EPHA2: variants seen among roughly 807,000 people sequenced by gnomAD.
EPHA2 encodes EPH receptor A2.
A neutral mutation model predicts 104.9 loss-of-function variants in EPHA2; 54 were observed. The ratio of observed to expected loss-of-function variants is 0.51; its 90% CI spans 0.41 to 0.65. The LOEUF (loss-of-function observed/expected upper bound fraction) is 0.65. EPHA2 is among the 30% of genes least tolerant of loss of function. The pLI, the probability that EPHA2 is intolerant of heterozygous loss-of-function variation, is 0.00. For missense variants in EPHA2, 1,117 were observed against 1,369.5 expected (o/e 0.82, Z 2.91); for synonymous variants, 560 against 559.1 (o/e 1.00, Z -0.02).
At chr1:16,127,827 C>T (rs115461773) in intron 16 of EPHA2, among the ~76,000 whole-genome samples, 35 of 152,352 alleles carry the variant, frequency 2.3e-4, no homozygotes, top group African/African-American at 8.2e-4. Flanking sequence ...AGCGCACACA[C>T]ACACAGCCTC....
At chr1:16,129,719 G>T in intron 15 of EPHA2, 130 bp from the exon 16 acceptor site, 2 of 1,254,674 alleles carry the variant, frequency 1.6e-6, no homozygotes, top group South Asian at 3.0e-5. Flanking sequence ...TGGGCAACAG[G>T]GAAGCCCAGT....
rs374518443 is a variant in EPHA2 at position 16,133,308 on chromosome 1, G to A, written c.1925C>T (p.Pro642Leu). ...GGCTTTCAGCGTCTTGATGGCCACCGGCACCTCCTTCTTCCCCGAGGATGT... is the reference window on the plus strand; with the variant it reads ...GGCTTTCAGCGTCTTGATGGCCACCAGCACCTCCTTCTTCCCCGAGGATGT... ...LKTSSGKKEV[P>L]VAIKTLKAGY... Residue 642 changes from proline to leucine, a missense_variant, in exon 11 of 17, where the codon CCG (proline) becomes CTG (leucine). Transcript: ENST00000358432. 6 of 1,613,674 alleles carry A rather than the reference G, an allele frequency of 3.7e-6. No homozygotes were observed. The highest frequency in any genetic ancestry group is 1.6e-4 in the Middle Eastern group (1 of 6,082).
chr1:16,150,329 C>T lies in EPHA2; in HGVS notation c.153+567G>A, dbSNP rs111472798. On this transcript the variant is annotated intron_variant, in intron 2 of 16. Transcript: ENST00000358432. This position sits in a 1 kb window ranked among gnomAD's most constrained non-coding sequence, Gnocchi z 4.8. Reference sequence around the variant, plus strand: ...ACACACACAGCCAGGGGAAGAACCCCCAGCCCCTGCCCCCATTCCTGGTCA... The same window carrying T: ...ACACACACAGCCAGGGGAAGAACCCTCAGCCCCTGCCCCCATTCCTGGTCA... 0.025 allele frequency among the ~76,000 whole-genome samples: 3,789 copies of T among 152,278 alleles called. 177 individuals carry two copies. The highest frequency in any genetic ancestry group is 0.087 in the African/African-American group (3,603 of 41,542).
rs765370168 is a variant in EPHA2 at position 16,130,435 on chromosome 1, G to T, written c.2476-16C>A. On this transcript the variant is annotated splice_polypyrimidine_tract_variant and intron_variant, in intron 14 of 16. Coordinates refer to ENST00000358432, the MANE Select transcript of EPHA2 (RefSeq NM_004431.5). This position sits in a 1 kb window ranked among gnomAD's most constrained non-coding sequence, Gnocchi z 4.5. ...CTTTCATCACCTGGCGGGGCACGAA[G>T]GTCAGGGGCGCTGTTGCAGAAAGCC... The T allele has an allele frequency of 1.3e-6, 2 of 1,535,972 alleles. No homozygotes were observed. The highest frequency in any genetic ancestry group is 1.3e-5 in the South Asian group (1 of 78,070).
chr1:16,150,983 G>T lies in EPHA2; in HGVS notation c.86-20C>A. ...GTACCACTGAAAGGGAGAAGGGAGA[G>T]GGGGTGAGCCTGGGGGTGTCTTCAG... is the stretch of plus-strand genomic sequence containing the variant. On this transcript the variant is annotated intron_variant, in intron 1 of 16. Transcript: ENST00000358432. This position sits in a 1 kb window ranked among gnomAD's most constrained non-coding sequence, Gnocchi z 4.8. The T allele has an allele frequency of 1.9e-6, 3 of 1,613,754 alleles. No individual in the cohort carries two copies. The highest frequency in any genetic ancestry group is 2.5e-6 in the Non-Finnish European group (3 of 1,179,850).
chr1:16,153,218 C>A (rs2025077450), intron 1 of EPHA2: 3 of 985,428 alleles, frequency 3.0e-6, no homozygotes, highest in South Asian at 9.4e-5. Context: ...TCCACAGCTT[C>A]TTCCACAAAT....
intron 1 of EPHA2, chr1:16,153,133 A>G (rs1344553457): frequency 1.9e-5 from 18 of 970,976 alleles, no homozygotes; most frequent in Non-Finnish European, 2.1e-5. Flanking sequence ...CTGGGGGGAA[A>G]AAAAAAAAGC....
chr1:16,138,524 C>T (rs2024764100), intron 3 of EPHA2, 94 bp from the exon 4 acceptor site: 1 of 1,574,930 alleles, frequency 6.3e-7, no homozygotes, highest in Admixed American at 1.7e-5. Flanking sequence ...GGACCCCTGC[C>T]CTGCAAGCAG....
At chr1:16,136,713 A>AAG (rs1553135584) in intron 5 of EPHA2, among the ~76,000 whole-genome samples, 2 of 102,734 alleles carry the variant, frequency 1.9e-5, no homozygotes, top group Non-Finnish European at 3.5e-5. Context: ...AAGAAGAAGA[A>AAG]AAGAAGAAGA....
chr1:16,154,691 G>A (rs1248472937), intron 1 of EPHA2, among the ~76,000 whole-genome samples: 7 of 149,020 alleles, frequency 4.7e-5, no homozygotes, highest in African/African-American at 9.9e-5. Context: ...GGGAGGCAGA[G>A]GTTGCAGTGA....
chr1:16,125,379 C>CGGGGGGG lies in EPHA2; in HGVS notation c.2826-60_2826-59insCCCCCCC. On this transcript the variant is annotated intron_variant, in intron 16 of 16. Transcript: ENST00000358432. The surrounding 1 kb of genome is among the most constrained non-coding windows in gnomAD (Gnocchi z 4.9). Reference sequence around the variant, plus strand: ...GGCTGGAGCAGGGGAGGGGGCCGGGCTGGGTGGGGACAGGACTCGGTGGGC... The same window carrying CGGGGGGG: ...GGCTGGAGCAGGGGAGGGGGCCGGGCGGGGGGGTGGGTGGGGACAGGACTCGGTGGGC... 1 of 95,030 alleles carries CGGGGGGG rather than the reference C, an allele frequency of 1.1e-5. No homozygotes were observed. Among genetic ancestry groups the CGGGGGGG allele is most frequent in the Admixed American group, 1.6e-4 (1 of 6,276 alleles). 5.9% of individuals were successfully genotyped at this position (95,030 alleles called of 1,614,324 possible).
Position 16,144,244 on chromosome 1 carries a change from G to A in EPHA2, c.823+4134C>T, listed in dbSNP as rs932626249. Among the ~76,000 whole-genome samples the A allele has an allele frequency of 7.9e-5, 12 of 152,290 alleles. 1 individual carries two copies. Among genetic ancestry groups the A allele is most frequent in the African/African-American group, 2.9e-4 (12 of 41,562 alleles). ...AGGGTGGGGCAGACAGGGCACAGAGGTGAGAGCCACCATGGGGGGCTGGGG... is the reference window on the plus strand; with the variant it reads ...AGGGTGGGGCAGACAGGGCACAGAGATGAGAGCCACCATGGGGGGCTGGGG... On this transcript the variant is annotated intron_variant, in intron 3 of 16. Coordinates refer to ENST00000358432, the MANE Select transcript of EPHA2 (RefSeq NM_004431.5).
In EPHA2 at chr1:16,138,133, C is replaced by T; in HGVS notation, c.1032G>A (p.Val344=). The T allele has an allele frequency of 2.5e-6, 4 of 1,609,160 alleles. No individual in the cohort carries two copies. The highest frequency in any genetic ancestry group is 3.4e-6 in the Non-Finnish European group (4 of 1,179,870). Residue 344 remains valine (V), a synonymous_variant, in exon 5 of 17, where the codon GTG becomes GTA. Coordinates refer to ENST00000358432, the MANE Select transcript of EPHA2 (RefSeq NM_004431.5). The part of the protein sequence containing the change: ...YLTAVGMGAK[V]ELRWTPPQDS... ...CCTGAGGGGGCGTCCAGCGCAGCTCCACCTTGGCACCCATGCCCACGGCTG... is the reference window on the plus strand; with the variant it reads ...CCTGAGGGGGCGTCCAGCGCAGCTCTACCTTGGCACCCATGCCCACGGCTG...
chr1:16,155,994 G>A lies in EPHA2; in HGVS notation c.-62C>T. On this transcript the variant is annotated 5_prime_UTR_variant, in exon 1 of 17. Transcript: ENST00000358432. ...CCGGCTCCCGCACACCCGCACGCCT[G>A]CACGCCGGCCTCGGTGTCCGCTCCC... 1 of 1,365,994 alleles carries A rather than the reference G, an allele frequency of 7.3e-7. No individual in the cohort carries two copies. The highest frequency in any genetic ancestry group is 3.3e-5 in the Admixed American group (1 of 30,714). The allele number at this position is 1,365,994 out of a possible 1,614,324, so 84.6% of individuals were successfully genotyped here. A position where few individuals can be genotyped will look rare whatever the true frequency, so the allele number is the denominator to read the frequency against.
At position 16,129,415 on chromosome 1, in the gene EPHA2, G is replaced by T; in HGVS notation, c.2825+19C>A. 1 of 1,610,916 alleles carries T rather than the reference G, an allele frequency of 6.2e-7. No individual in the cohort carries two copies. Among genetic ancestry groups the T allele is most frequent in the Non-Finnish European group, 8.5e-7 (1 of 1,179,924 alleles). ...TGGGAGGCGGGAGGCGAGGGGGGAC[G>T]GAAAGGGGCCTGACTTACTCGTTGG... On this transcript the variant is annotated intron_variant, in intron 16 of 16. Transcript: ENST00000358432.
Position 16,133,441 on chromosome 1 carries a change from G to A in EPHA2, c.1864+40C>T, listed in dbSNP as rs750012084. On this transcript the variant is annotated intron_variant, in intron 10 of 16. Transcript: ENST00000358432. ...AGGGCTCCCACACTGTGTCACCACC[G>A]CTGCCTCCTCAGGGCCCCTTGGCAG... is the stretch of plus-strand genomic sequence containing the variant. 2.0e-5 allele frequency: 33 copies of A among 1,613,852 alleles called. 1 individual carries two copies. Among genetic ancestry groups the A allele is most frequent in the South Asian group, 1.4e-4 (13 of 91,082 alleles).
chr1:16,137,262 A>G (rs1001640874), intron 5 of EPHA2, among the ~76,000 whole-genome samples: 1 of 151,750 alleles, frequency 6.6e-6, no homozygotes, highest in African/African-American at 2.4e-5. Context: ...TGGGCCACAA[A>G]TAAAATACAG....
At position 16,125,388 on chromosome 1, in the gene EPHA2, GACAGGACTCGGTGGGCGGCT is replaced by G; in HGVS notation, c.2826-88_2826-69del. On this transcript the variant is annotated intron_variant, in intron 16 of 16. Coordinates refer to ENST00000358432, the MANE Select transcript of EPHA2 (RefSeq NM_004431.5). This position sits in a 1 kb window ranked among gnomAD's most constrained non-coding sequence, Gnocchi z 4.9. ...AGGGGAGGGGGCCGGGCTGGGTGGG[GACAGGACTCGGTGGGCGGCT>G]GGGGAGGGGAGTGGAGGGAGGCAGA... 1 of 376,140 alleles carries G rather than the reference GACAGGACTCGGTGGGCGGCT, an allele frequency of 2.7e-6. No homozygotes were observed. The allele number at this position is 376,140 out of a possible 1,614,324, so 23.3% of individuals were successfully genotyped here. A position where few individuals can be genotyped will look rare whatever the true frequency, so the allele number is the denominator to read the frequency against.
In EPHA2 at chr1:16,148,465, G is replaced by C; in HGVS notation, c.736C>G (p.His246Asp). Reference protein sequence around the residue: ...VPPGGEEPRMHCAVDGEWLVP... With the variant: ...VPPGGEEPRMDCAVDGEWLVP... ...AGCCACTCGCCATCCACTGCACAGT[G>C]CATACGGGGCTCTTCACCCCCCGGT... Residue 246 changes from histidine to aspartate, a missense_variant, in exon 3 of 17, where the codon CAC becomes GAC. Around this residue, in one of 3 missense-constraint regions of EPHA2, gnomAD observed 664 missense variants for 784.8 expected, o/e 0.85. Transcript: ENST00000358432. The surrounding 1 kb of genome is among the most constrained non-coding windows in gnomAD (Gnocchi z 4.9). 6.2e-7 allele frequency: 1 copy of C among 1,613,864 alleles called. No individual in the cohort carries two copies. The highest frequency in any genetic ancestry group is 8.5e-7 in the Non-Finnish European group (1 of 1,180,042).
Sources: gnomAD v4.1 joint callset for allele counts (sites outside exome capture counted in the v4.1 genomes callset) on GRCh38, gnomAD v4.1.1 for gene constraint, gnomAD v4.1.1 regional missense constraint, Gnocchi (gnomAD v3.1) non-coding constraint, MANE v1.5 for transcripts, NCBI Gene and HGNC (gene_info 2026-07-23, HGNC 2026-07-21) for gene names.